Variants in ARG2 observed in about 807,000 individuals in gnomAD.
ARG2 encodes arginase-2, mitochondrial.
Under a neutral mutation model 39.4 loss-of-function variants are expected in ARG2, and 21 were observed. That is an observed-to-expected ratio of 0.53 (90% confidence interval 0.38 to 0.77). The LOEUF (loss-of-function observed/expected upper bound fraction) is 0.77. Ranked by LOEUF, ARG2 falls within the 30% of genes least tolerant of loss-of-function variation. The pLI is 0.00. For synonymous variants in ARG2, 150 were observed against 156.7 expected, an observed-to-expected ratio of 0.96 and a Z score of 0.32; for missense variants, 378 against 426.2, an observed-to-expected ratio of 0.89 and a Z score of 1.00.
At chr14:67,623,994 G>A (rs878938179) in intron 2 of ARG2, among the ~76,000 whole-genome samples, 3 of 152,010 alleles carry the variant, frequency 2.0e-5, no homozygotes, top group Non-Finnish European at 2.9e-5. Flanking sequence ...ACACATGCCA[G>A]TATGCCTGGA....
intron 3 of ARG2, among the ~76,000 whole-genome samples, chr14:67,642,803 T>TC (rs1410664142): frequency 2.4e-5 from 3 of 125,946 alleles, no homozygotes; most frequent in East Asian, 2.3e-4. Context: ...CTTTTTTTTT[T>TC]TTTTTTTTTT....
intron 3 of ARG2, among the ~76,000 whole-genome samples, chr14:67,644,341 G>A: frequency 6.6e-6 from 1 of 152,138 alleles, no homozygotes. Context: ...CACAGAAAAG[G>A]AAACTGAAAT....
At chr14:67,625,652 C>G (rs1312758947) in intron 2 of ARG2, among the ~76,000 whole-genome samples, 1 of 139,236 alleles carries the variant, frequency 7.2e-6, no homozygotes, top group African/African-American at 2.9e-5. Flanking sequence ...TGCAGTCCAG[C>G]CTGGGCAACG....
At chr14:67,636,463 G>A (rs578032764) in intron 2 of ARG2, among the ~76,000 whole-genome samples, 18 of 152,338 alleles carry the variant, frequency 1.2e-4, no homozygotes, top group Admixed American at 9.2e-4. Context: ...GTGTAGCACA[G>A]TGTGGTGTGT....
intron 2 of ARG2, among the ~76,000 whole-genome samples, chr14:67,621,853 T>G (rs1024923000): frequency 6.6e-6 from 1 of 151,706 alleles, no homozygotes; most frequent in Non-Finnish European, 1.5e-5. Context: ...TCCCAGCACT[T>G]TGGGAGGCCA....
rs771831049 is a variant in ARG2 at position 67,651,382 on chromosome 14, AG to A, written c.*463del. The stretch of plus-strand genomic sequence containing the variant: ...TGGTCCACAAACCCTTCCCTATAGA[AG>A]TTCAATGGCTGCGAAAGAATTTGTA... On this transcript the variant is annotated 3_prime_UTR_variant, in exon 8 of 8. Coordinates refer to ENST00000261783, the MANE Select transcript of ARG2 (RefSeq NM_001172.4). 4.3e-6 allele frequency: 7 copies of A among 1,613,654 alleles called. No homozygotes were observed. Among genetic ancestry groups the A allele is most frequent in the Non-Finnish European group, 5.9e-6 (7 of 1,179,742 alleles).
At chr14:67,625,667 C>T (rs1394705903) in intron 2 of ARG2, among the ~76,000 whole-genome samples, 1 of 57,500 alleles carries the variant, frequency 1.7e-5, no homozygotes, top group African/African-American at 7.9e-5. Context: ...GCAACGAGAG[C>T]AAAACTCCAT....
In ARG2 at chr14:67,646,831, CACT is replaced by C. The variant is rs2037104945; in HGVS notation, c.618-87_618-85del. 5 of 1,397,550 alleles carry C rather than the reference CACT, an allele frequency of 3.6e-6. No homozygotes were observed. The South Asian group carries it at 5.9e-5, about 16-fold the overall frequency. The allele number at this position is 1,397,550 out of a possible 1,614,324, so 86.6% of individuals were successfully genotyped here. A position where few individuals can be genotyped will look rare whatever the true frequency, so the allele number is the denominator to read the frequency against. On this transcript the variant is annotated intron_variant, in intron 5 of 7. Coordinates refer to ENST00000261783, the MANE Select transcript of ARG2 (RefSeq NM_001172.4). Reference sequence around the variant, plus strand: ...ATGCTTAACTTGGTCTATTGCAGGTCACTACAACAAACCCACCCTCTCCCCCAA... The same window carrying C: ...ATGCTTAACTTGGTCTATTGCAGGTCACAACAAACCCACCCTCTCCCCCAA...
At chr14:67,645,502 C>A in intron 3 of ARG2, 141 bp from the exon 4 acceptor site, 1 of 869,766 alleles carries the variant, frequency 1.1e-6, no homozygotes, top group Non-Finnish European at 1.7e-6. Flanking sequence ...AACTACAGGT[C>A]TTGCCTCACC....
intron 1 of ARG2, 56 bp from the exon 2 acceptor site, chr14:67,620,838 G>A: frequency 6.3e-7 from 1 of 1,583,044 alleles, no homozygotes; most frequent in Admixed American, 1.7e-5. Flanking sequence ...TGTACCAAAT[G>A]GGTTTTTTTC....
intron 2 of ARG2, among the ~76,000 whole-genome samples, chr14:67,633,906 C>G (rs2036944152): frequency 6.6e-6 from 1 of 152,196 alleles, no homozygotes. Context: ...GTTCTCCTGA[C>G]CCTTCTCTTC....
At chr14:67,620,138 A>C in intron 1 of ARG2, 50 bp downstream of exon 1, 1 of 1,348,090 alleles carries the variant, frequency 7.4e-7, no homozygotes, top group Non-Finnish European at 1.0e-6. Context: ...GCCCCCTAGA[A>C]CCTGGAGACA....
intron 2 of ARG2, among the ~76,000 whole-genome samples, chr14:67,623,230 T>G (rs551249085): frequency 6.6e-6 from 1 of 152,166 alleles, no homozygotes; most frequent in African/African-American, 2.4e-5. Flanking sequence ...CTGGAATATA[T>G]TGGAGAAAAG....
chr14:67,644,881 C>A (rs2037076539), intron 3 of ARG2, among the ~76,000 whole-genome samples: 1 of 151,786 alleles, frequency 6.6e-6, no homozygotes. Context: ...GCCTGTAATC[C>A]CAATTACTCG....
chr14:67,620,297 G>C (rs113845293), intron 1 of ARG2, among the ~76,000 whole-genome samples: 1 of 152,022 alleles, frequency 6.6e-6, no homozygotes, highest in Non-Finnish European at 1.5e-5. Flanking sequence ...GGGAGGGGTG[G>C]AGGGCACCCT....
At chr14:67,632,331 T>C (rs1397612133) in intron 2 of ARG2, among the ~76,000 whole-genome samples, 2 of 152,272 alleles carry the variant, frequency 1.3e-5, no homozygotes, top group African/African-American at 2.4e-5. Context: ...TGACTTGATA[T>C]ATCCATAAGC....
intron 2 of ARG2, among the ~76,000 whole-genome samples, chr14:67,641,978 A>G (rs755188274): frequency 5.3e-5 from 8 of 152,160 alleles, no homozygotes; most frequent in Admixed American, 4.6e-4. Context: ...AAGTCAATCG[A>G]TATCTCTTAG....
chr14:67,642,960 G>T (rs1268054255), intron 3 of ARG2, among the ~76,000 whole-genome samples: 1 of 151,918 alleles, frequency 6.6e-6, no homozygotes, highest in African/African-American at 2.4e-5. Flanking sequence ...ATGCCACCAT[G>T]CCTGGCTCAT....
rs144749598 is a variant in ARG2, at chr14:67,642,707, C to T, written c.362+344C>T. On this transcript the variant is annotated intron_variant, in intron 3 of 7. Coordinates refer to ENST00000261783, the MANE Select transcript of ARG2 (RefSeq NM_001172.4). Reference sequence around the variant, plus strand: ...ATGACTTTGGAGAATTAGAAAGATCCATTGATAGGCTGAATGTGCAAGTTT... The same window carrying T: ...ATGACTTTGGAGAATTAGAAAGATCTATTGATAGGCTGAATGTGCAAGTTT... Among the ~76,000 whole-genome samples the T allele has an allele frequency of 3.3e-4, 50 of 150,292 alleles. 1 individual carries two copies. The highest frequency in any genetic ancestry group is 1.2e-3 in the African/African-American group (50 of 40,986).
Sources: gnomAD v4.1 joint callset for allele counts (sites outside exome capture counted in the v4.1 genomes callset) on GRCh38, gnomAD v4.1.1 for gene constraint, MANE v1.5 for transcripts, NCBI Gene and HGNC (gene_info 2026-07-23, HGNC 2026-07-21) for gene names.